The following PDIA4 variants were observed in gnomAD, a reference collection of about 807,000 sequenced individuals.
PDIA4 encodes protein disulfide isomerase family A member 4.
PDIA4 carries 33 observed loss-of-function variants against 62.1 expected under a neutral mutation model. The observed-to-expected ratio is 0.53, with a 90% confidence interval of 0.40 to 0.71. The LOEUF is 0.71. Among genes scored for constraint, PDIA4 ranks in the 30% least tolerant of loss-of-function variants. The pLI is 0.00. For missense variants in PDIA4, 804 were observed against 813.6 expected (o/e 0.99, Z 0.14); for synonymous variants, 341 against 324.1 (o/e 1.05, Z -0.56).
intron 3 of PDIA4, among the ~76,000 whole-genome samples, chr7:149,016,786 C>T (rs1231229446): frequency 2.0e-5 from 3 of 152,210 alleles, no homozygotes; most frequent in Non-Finnish European, 4.4e-5. Context: ...GCTGGGATTA[C>T]AGGCGTGAAC....
chr7:149,009,283 TA>T (rs1371866753), intron 6 of PDIA4, among the ~76,000 whole-genome samples: 4 of 151,960 alleles, frequency 2.6e-5, no homozygotes, highest in Admixed American at 1.3e-4. Context: ...CCCATTTCTA[TA>T]AAGATAAAAT....
chr7:149,007,542 C>T (rs7787508), intron 7 of PDIA4, among the ~76,000 whole-genome samples: 22,548 of 152,232 alleles, frequency 0.15, 1,832 homozygotes, highest in Middle Eastern at 0.19. Context: ...ATCTACTCAC[C>T]GAAGTGCAGG....
At chr7:149,015,492 CAAAA>C (rs34656815) in intron 3 of PDIA4, among the ~76,000 whole-genome samples, 34 of 104,402 alleles carry the variant, frequency 3.3e-4, no homozygotes, top group African/African-American at 7.8e-4. Context: ...AAGATGTATG[CAAAA>C]AAAAAAAAAA....
At chr7:149,006,747 T>C (rs1823771085) in intron 7 of PDIA4, among the ~76,000 whole-genome samples, 2 of 151,732 alleles carry the variant, frequency 1.3e-5, no homozygotes, top group South Asian at 2.1e-4. Flanking sequence ...GCTGAAAAGG[T>C]GGGTAAGGAG....
intron 4 of PDIA4, among the ~76,000 whole-genome samples, chr7:149,013,718 C>A (rs886359538): frequency 2.1e-4 from 32 of 152,068 alleles, no homozygotes; most frequent in African/African-American, 7.3e-4. Context: ...CAACCTCCCA[C>A]CACACACACA....
chr7:149,018,864 C>A, intron 3 of PDIA4, 128 bp downstream of exon 3: 1 of 167,658 alleles, frequency 6.0e-6, no homozygotes, highest in Non-Finnish European at 1.2e-5. Flanking sequence ...AGCAAATAAA[C>A]ATTCCAGAGG....
chr7:149,012,389 G>A (rs776651373), intron 4 of PDIA4, 29 bp from the exon 5 acceptor site: 42 of 1,581,648 alleles, frequency 2.7e-5, no homozygotes, highest in Non-Finnish European at 3.1e-5. Context: ...TTTGTCAGGG[G>A]CTCATTCTAG....
At chr7:149,016,733 G>A (rs1033617926) in intron 3 of PDIA4, among the ~76,000 whole-genome samples, 1 of 152,058 alleles carries the variant, frequency 6.6e-6, no homozygotes, top group Non-Finnish European at 1.5e-5. Context: ...GGATGGTCTC[G>A]ATCTCCTGAC....
At chr7:149,018,729 G>T (rs191796208) in intron 3 of PDIA4, among the ~76,000 whole-genome samples, 1 of 151,984 alleles carries the variant, frequency 6.6e-6, no homozygotes, top group Non-Finnish European at 1.5e-5. Flanking sequence ...ACCATGTCTG[G>T]CCCATTTCCT....
At chr7:149,008,432 G>A in intron 6 of PDIA4, 122 bp from the exon 7 acceptor site, 1 of 971,524 alleles carries the variant, frequency 1.0e-6, no homozygotes, top group South Asian at 1.6e-5. Context: ...TGGGCGCGGT[G>A]GCTCACGCCT....
Position 149,008,154 on chromosome 7 carries a change from C to A in PDIA4, c.1131+5G>T, listed in dbSNP as rs1823825009. 2 of 1,612,872 alleles carry A rather than the reference C, an allele frequency of 1.2e-6. No homozygotes were observed. The highest frequency in any genetic ancestry group is 3.3e-5 in the Admixed American group (2 of 59,794). On this transcript the variant is annotated splice_donor_5th_base_variant and intron_variant, in intron 7 of 9. Coordinates refer to ENST00000652332, the MANE Select transcript of PDIA4 (RefSeq NM_004911.5). ...AGGGCTGGCATGGCAGAGGGGCCCG[C>A]TTACCTGGACGTCCATCATGTGGCT...
intron 3 of PDIA4, among the ~76,000 whole-genome samples, chr7:149,016,662 C>T (rs1172870083): frequency 5.9e-5 from 9 of 152,110 alleles, no homozygotes; most frequent in Non-Finnish European, 1.3e-4. Context: ...CAGCCACCTG[C>T]CACCACATCC....
intron 9 of PDIA4, among the ~76,000 whole-genome samples, chr7:149,004,588 G>A (rs953659764): frequency 1.3e-5 from 2 of 152,238 alleles, no homozygotes; most frequent in Admixed American, 6.5e-5. Context: ...TGTGGCCAGC[G>A]CTGGGGGCCT....
Position 149,008,190 on chromosome 7 carries a change from T to C in PDIA4, c.1100A>G (p.Tyr367Cys), listed in dbSNP as rs902687244. Residue 367 changes from tyrosine to cysteine, a missense_variant, in exon 7 of 10, where the codon TAT becomes TGT. Tyr to Cys is a radical substitution (Grantham distance 194, BLOSUM62 -2). Coordinates refer to ENST00000652332, the MANE Select transcript of PDIA4 (RefSeq NM_004911.5). ...GTCCATCATGTGGCTCCGGGGCTCATACTTGGACTGGAATTTCTCAGGCTG... is the reference window on the plus strand; with the variant it reads ...GTCCATCATGTGGCTCCGGGGCTCACACTTGGACTGGAATTTCTCAGGCTG... ...VMQPEKFQSK[Y>C]EPRSHMMDVQ... 1 of 1,614,136 alleles carries C rather than the reference T, an allele frequency of 6.2e-7. No individual in the cohort carries two copies. The highest frequency in any genetic ancestry group is 1.7e-5 in the Admixed American group (1 of 60,024).
intron 9 of PDIA4, 39 bp downstream of exon 9, chr7:149,005,102 G>T: frequency 6.6e-7 from 1 of 1,504,074 alleles, no homozygotes; most frequent in Non-Finnish European, 9.3e-7. Context: ...GAGGAGCACA[G>T]CAGCTGATGG....
At position 149,007,442 on chromosome 7, in the gene PDIA4, G is replaced by T. The variant is rs79343597; in HGVS notation, c.1131+717C>A. Among the ~76,000 whole-genome samples, 852 of 152,312 alleles carry T rather than the reference G, an allele frequency of 5.6e-3. 6 individuals carry two copies. The highest frequency in any genetic ancestry group is 0.02 in the African/African-American group (817 of 41,556). Reference sequence around the variant, plus strand: ...CTTCCCACCAGGAGCTGTGGGGTCTGGGGTGGGGGGTAGAGCTCACTTCTC... The same window carrying T: ...CTTCCCACCAGGAGCTGTGGGGTCTTGGGTGGGGGGTAGAGCTCACTTCTC... On this transcript the variant is annotated intron_variant, in intron 7 of 9. Transcript: ENST00000652332.
intron 6 of PDIA4, among the ~76,000 whole-genome samples, chr7:149,011,071 G>A (rs1248610604): frequency 6.6e-6 from 1 of 152,212 alleles, no homozygotes; most frequent in Non-Finnish European, 1.5e-5. Flanking sequence ...TTTGACTTAT[G>A]CACAATTGTT....
intron 1 of PDIA4, among the ~76,000 whole-genome samples, chr7:149,023,378 C>T (rs570013117): frequency 2.0e-5 from 3 of 152,300 alleles, no homozygotes; most frequent in East Asian, 1.9e-4. Context: ...TTGAATGAAT[C>T]GTGTGAGGCT....
chr7:149,024,041 G>C (rs1400507883), intron 1 of PDIA4, among the ~76,000 whole-genome samples: 1 of 152,190 alleles, frequency 6.6e-6, no homozygotes, highest in Non-Finnish European at 1.5e-5. Context: ...GAGGTCAGGA[G>C]TTTGAGACCA....
Sources: gnomAD v4.1 joint callset for allele counts (sites outside exome capture counted in the v4.1 genomes callset) on GRCh38, gnomAD v4.1.1 for gene constraint, MANE v1.5 for transcripts, NCBI Gene and HGNC (gene_info 2026-07-23, HGNC 2026-07-21) for gene names.